The following FMN1 variants were observed in gnomAD, a reference collection of about 807,000 sequenced individuals.
FMN1 encodes the protein formin-1.
FMN1 carries 110 observed loss-of-function variants against 132.4 expected under a neutral mutation model. That is an observed-to-expected ratio of 0.83 (90% CI 0.71 to 0.97). FMN1 has a LOEUF of 0.97. Ranked by LOEUF, FMN1 falls within the 50% of genes least tolerant of loss-of-function variation. The pLI is 0.00. For missense variants in FMN1, 1,792 were observed against 1,705.3 expected (o/e 1.05, Z -0.90); for synonymous variants, 722 against 651.7 (o/e 1.11, Z -1.64).
chr15:32,852,612 C>T (rs931759519), intron 17 of FMN1, among the ~76,000 whole-genome samples: 1 of 152,174 alleles, frequency 6.6e-6, no homozygotes, highest in African/African-American at 2.4e-5. Flanking sequence ...AGTGATCCTC[C>T]TACCTCGGCT....
At chr15:33,085,565 AT>A (rs1213012133) in intron 5 of FMN1, among the ~76,000 whole-genome samples, 1 of 149,404 alleles carries the variant, frequency 6.7e-6, no homozygotes, top group Admixed American at 6.7e-5. Flanking sequence ...ACATATATAC[AT>A]ATGCATAATT....
At chr15:32,901,514 CTCT>C (rs1191989201) in intron 13 of FMN1, among the ~76,000 whole-genome samples, 2 of 152,162 alleles carry the variant, frequency 1.3e-5, no homozygotes, top group Admixed American at 1.3e-4. Context: ...CTCTAGGATC[CTCT>C]TATTAGGTTG....
chr15:33,134,466 A>G (rs774359488), intron 4 of FMN1, among the ~76,000 whole-genome samples: 27 of 152,176 alleles, frequency 1.8e-4, no homozygotes, highest in Admixed American at 1.1e-3. Flanking sequence ...TGCAGTTTCA[A>G]AACAAGTTCT....
chr15:33,053,398 G>A (rs1007272750), intron 6 of FMN1, among the ~76,000 whole-genome samples: 1 of 152,224 alleles, frequency 6.6e-6, no homozygotes, highest in African/African-American at 2.4e-5. Flanking sequence ...GGCACTTGGA[G>A]CTGCCAGCCA....
At chr15:33,126,876 A>T (rs1963131771) in intron 4 of FMN1, among the ~76,000 whole-genome samples, 2 of 152,200 alleles carry the variant, frequency 1.3e-5, no homozygotes, top group Non-Finnish European at 2.9e-5. Flanking sequence ...ATACCCATAA[A>T]TAACTGTGGC....
At chr15:32,778,162 A>G (rs1258713) in intron 19 of FMN1, among the ~76,000 whole-genome samples, 1 of 121,570 alleles carries the variant, frequency 8.2e-6, no homozygotes, top group Non-Finnish European at 1.6e-5. Context: ...CATTTATTAT[A>G]TATTATATAA....
At position 33,153,482 on chromosome 15, in the gene FMN1, A is replaced by G. The variant is rs1366007328; in HGVS notation, c.1433T>C (p.Val478Ala). Reference protein sequence around the residue: ...KSLFLDLPHKVGPDSSQPRGD... With the variant: ...KSLFLDLPHKAGPDSSQPRGD... Reference sequence around the variant, plus strand: ...TCTGGGTTGTGAGGAGTCAGGACCTACTTTGTGGGGCAGATCCAGAAACAA... The same window carrying G: ...TCTGGGTTGTGAGGAGTCAGGACCTGCTTTGTGGGGCAGATCCAGAAACAA... The change falls in exon 4 of 21, where the codon GTA (valine) becomes GCA (alanine). Residue 478 changes from valine to alanine, a missense_variant. By Grantham distance (64) the Val-to-Ala change is moderately conservative (BLOSUM62 0). Coordinates refer to ENST00000616417, the MANE Select transcript of FMN1 (RefSeq NM_001277313.2). The G allele has an allele frequency of 4.6e-6, 7 of 1,536,420 alleles. No homozygotes were observed. The African/African-American group carries it at 6.8e-5, about 15-fold the overall frequency.
At chr15:32,871,187 A>G (rs539932992) in intron 16 of FMN1, among the ~76,000 whole-genome samples, 1 of 152,316 alleles carries the variant, frequency 6.6e-6, no homozygotes, top group South Asian at 2.1e-4. Context: ...ACATATACAC[A>G]CAAAGACATT....
chr15:32,876,263 G>A (rs1331707706), intron 16 of FMN1, among the ~76,000 whole-genome samples: 1 of 152,132 alleles, frequency 6.6e-6, no homozygotes, highest in East Asian at 1.9e-4. Context: ...TGGTAAACCA[G>A]ATATATGACT....
intron 6 of FMN1, chr15:33,064,516 T>C (rs893182351): frequency 1.3e-5 from 2 of 152,544 alleles, no homozygotes; most frequent in Admixed American, 6.5e-5. Flanking sequence ...ACTGATACGG[T>C]ATCTGTACAT....
chr15:32,872,065 A>G (rs1479735815), intron 16 of FMN1, among the ~76,000 whole-genome samples: 3 of 150,982 alleles, frequency 2.0e-5, no homozygotes, highest in Non-Finnish European at 4.4e-5. Flanking sequence ...GAAAGGCCCT[A>G]ATGTGTCACG....
intron 17 of FMN1, among the ~76,000 whole-genome samples, chr15:32,821,176 A>G (rs554925698): frequency 1.3e-5 from 2 of 151,804 alleles, no homozygotes; most frequent in South Asian, 4.2e-4. Context: ...ATAATGGCAG[A>G]TTGTCTTGTC....
At chr15:32,801,591 C>A (rs1346153681) in intron 18 of FMN1, among the ~76,000 whole-genome samples, 1 of 151,930 alleles carries the variant, frequency 6.6e-6, no homozygotes, top group Non-Finnish European at 1.5e-5. Flanking sequence ...ATGCTGAAAC[C>A]CCATCTCTAC....
At chr15:32,810,612 A>C (rs1357202722) in intron 17 of FMN1, among the ~76,000 whole-genome samples, 4 of 152,218 alleles carry the variant, frequency 2.6e-5, no homozygotes, top group Admixed American at 1.3e-4. Flanking sequence ...TTCACCATTT[A>C]AATGTACCCA....
chr15:32,827,418 A>C (rs1423130525), intron 17 of FMN1, among the ~76,000 whole-genome samples: 1 of 152,242 alleles, frequency 6.6e-6, no homozygotes, highest in African/African-American at 2.4e-5. Context: ...AGAATGATCA[A>C]GGAATCTTGT....
chr15:32,897,435 G>A (rs556029758), intron 15 of FMN1, among the ~76,000 whole-genome samples: 1 of 152,176 alleles, frequency 6.6e-6, no homozygotes, highest in Non-Finnish European at 1.5e-5. Context: ...TTTCCAGAGA[G>A]GAGTAATGAG....
At chr15:32,839,842 C>T (rs187123362) in intron 17 of FMN1, among the ~76,000 whole-genome samples, 1 of 150,926 alleles carries the variant, frequency 6.6e-6, no homozygotes, top group African/African-American at 2.4e-5. Flanking sequence ...AAATGGGGAA[C>T]AACAATGTAA....
chr15:32,831,955 A>G (rs1310533189), intron 17 of FMN1, among the ~76,000 whole-genome samples: 5 of 152,172 alleles, frequency 3.3e-5, no homozygotes, highest in Non-Finnish European at 5.9e-5. Context: ...TCTACAGCCA[A>G]TGTGAACTTT....
At chr15:33,102,729 A>G (rs1303003512) in intron 4 of FMN1, among the ~76,000 whole-genome samples, 1 of 151,928 alleles carries the variant, frequency 6.6e-6, no homozygotes, top group African/African-American at 2.4e-5. Context: ...CCTTTCATAA[A>G]CCTCCTAAAG....
Sources: gnomAD v4.1 joint callset for allele counts (sites outside exome capture counted in the v4.1 genomes callset) on GRCh38, gnomAD v4.1.1 for gene constraint, MANE v1.5 for transcripts, NCBI Gene and HGNC (gene_info 2026-07-23, HGNC 2026-07-21) for gene names.